ANK1: variants seen among roughly 807,000 people sequenced by gnomAD.
ANK1 encodes the protein ankyrin-1.
Under a neutral mutation model 210.4 loss-of-function variants are expected in ANK1, and 51 were observed. The observed-to-expected ratio is 0.24, with a 90% CI of 0.19 to 0.31. The LOEUF (loss-of-function observed/expected upper bound fraction) is 0.31, where lower values mean the gene tolerates loss of function less well. Among genes scored for constraint, ANK1 ranks in the 10% least tolerant of loss-of-function variants. The pLI is 1.00. For synonymous variants in ANK1, 967 were observed against 1,025.9 expected, an observed-to-expected ratio of 0.94 and a Z score of 1.10; for missense variants, 2,051 against 2,504.4, an observed-to-expected ratio of 0.82 and a Z score of 3.86.
intron 2 of ANK1, among the ~76,000 whole-genome samples, chr8:41,742,539 C>T (rs973831377): frequency 1.3e-5 from 2 of 152,220 alleles, no homozygotes; most frequent in African/African-American, 4.8e-5. Context: ...AAATTCACTG[C>T]TCAGTCCCCC....
chr8:41,892,644 T>C (rs1819678185), intron 1 of ANK1, among the ~76,000 whole-genome samples: 1 of 152,200 alleles, frequency 6.6e-6, no homozygotes. Context: ...CAAATCTCTA[T>C]TGCTTTGCAA....
intron 1 of ANK1, among the ~76,000 whole-genome samples, chr8:41,783,778 C>T (rs748848723): frequency 7.9e-5 from 12 of 152,168 alleles, no homozygotes; most frequent in Non-Finnish European, 1.2e-4. Flanking sequence ...CAGCCCTGAG[C>T]AGGGCCAGGT....
intron 3 of ANK1, among the ~76,000 whole-genome samples, chr8:41,732,884 C>G (rs1021195655): frequency 6.6e-6 from 1 of 151,426 alleles, no homozygotes; most frequent in African/African-American, 2.4e-5. Flanking sequence ...ATTACAGGCG[C>G]CCGCCACCAC....
intron 1 of ANK1, among the ~76,000 whole-genome samples, chr8:41,876,002 C>A (rs1260667842): frequency 6.6e-6 from 1 of 152,012 alleles, no homozygotes; most frequent in Non-Finnish European, 1.5e-5. Context: ...GCGCCTGGCC[C>A]CGCGCGCGCA....
chr8:41,739,965 G>C (rs1306975783), intron 2 of ANK1, among the ~76,000 whole-genome samples: 1 of 151,930 alleles, frequency 6.6e-6, no homozygotes, highest in Non-Finnish European at 1.5e-5. Flanking sequence ...GTTCTCTTTT[G>C]TCGTGCTCCA....
chr8:41,707,775 G>T (rs987449048), intron 17 of ANK1, among the ~76,000 whole-genome samples: 1 of 152,178 alleles, frequency 6.6e-6, no homozygotes, highest in Non-Finnish European at 1.5e-5. Context: ...GGGGTCAATT[G>T]TTCAAATTTG....
At chr8:41,691,358 TAA>T (rs747183888) in intron 31 of ANK1, among the ~76,000 whole-genome samples, 1 of 152,202 alleles carries the variant, frequency 6.6e-6, no homozygotes, top group Non-Finnish European at 1.5e-5. Flanking sequence ...AAGTTATCAC[TAA>T]CTCATTTGAC....
chr8:41,655,885 G>A, intron 42 of ANK1, 132 bp from the exon 43 acceptor site: 1 of 1,046,432 alleles, frequency 9.6e-7, no homozygotes, highest in Non-Finnish European at 1.5e-6. Context: ...TCCCCAGGCA[G>A]GGCGATGTGC....
chr8:41,844,228 C>T (rs1421402944), intron 1 of ANK1, among the ~76,000 whole-genome samples: 1 of 152,204 alleles, frequency 6.6e-6, no homozygotes, highest in African/African-American at 2.4e-5. Context: ...CAGCTCCTCA[C>T]CTTGGCAGAT....
At chr8:41,894,053 A>G (rs1819966281) in intron 1 of ANK1, among the ~76,000 whole-genome samples, 1 of 151,968 alleles carries the variant, frequency 6.6e-6, no homozygotes, top group Non-Finnish European at 1.5e-5. Flanking sequence ...ATAAATTTTA[A>G]CTCTATTCTC....
intron 2 of ANK1, among the ~76,000 whole-genome samples, chr8:41,735,200 G>A (rs1457699266): frequency 1.3e-5 from 2 of 152,190 alleles, no homozygotes; most frequent in Non-Finnish European, 2.9e-5. Flanking sequence ...GAAAGGTCTT[G>A]AAACTTTCCG....
chr8:41,736,954 A>G (rs568272850), intron 2 of ANK1, among the ~76,000 whole-genome samples: 2 of 152,266 alleles, frequency 1.3e-5, no homozygotes, highest in African/African-American at 2.4e-5. Flanking sequence ...ACACAGGACC[A>G]ACCTGGATTT....
intron 6 of ANK1, among the ~76,000 whole-genome samples, chr8:41,724,948 C>T (rs576650763): frequency 1.3e-5 from 2 of 152,312 alleles, no homozygotes; most frequent in Admixed American, 6.5e-5. Flanking sequence ...CAGCCTCGAC[C>T]TCCTGGGCTC....
At chr8:41,874,465 C>T (rs535627964) in intron 1 of ANK1, among the ~76,000 whole-genome samples, 2 of 152,320 alleles carry the variant, frequency 1.3e-5, no homozygotes, top group East Asian at 1.9e-4. Flanking sequence ...TTTCGGGTCG[C>T]CTGCCCGCAG....
intron 1 of ANK1, among the ~76,000 whole-genome samples, chr8:41,795,702 T>C (rs925006462): frequency 2.0e-5 from 3 of 151,900 alleles, no homozygotes; most frequent in African/African-American, 7.3e-5. Flanking sequence ...GCTAAAAAAG[T>C]TGATTTCTTG....
intron 2 of ANK1, 134 bp downstream of exon 2, chr8:41,757,902 C>T: frequency 4.6e-6 from 4 of 873,632 alleles, no homozygotes; most frequent in Non-Finnish European, 7.6e-6. Flanking sequence ...TAGGGCCTTC[C>T]ACAGGCAGGA....
At chr8:41,744,128 T>G (rs937588192) in intron 2 of ANK1, among the ~76,000 whole-genome samples, 1 of 152,190 alleles carries the variant, frequency 6.6e-6, no homozygotes, top group Non-Finnish European at 1.5e-5. Context: ...CAGCTTAGAC[T>G]TGACCATTAA....
chr8:41,851,717 A>G (rs1218631663), intron 1 of ANK1, among the ~76,000 whole-genome samples: 1 of 152,158 alleles, frequency 6.6e-6, no homozygotes, highest in Non-Finnish European at 1.5e-5. Context: ...CATTGGTCAG[A>G]GCAGTGGCAT....
Position 41,758,061 on chromosome 8 carries a change from C to T in ANK1, c.104G>A (p.Gly35Glu), listed in dbSNP as rs1326905954. ...CTGGTTACAGGTGTTAATATCTACC[C>T]CATTCCGCAGGTGATCCAAAGCTTT... ...LDKALDHLRNGVDINTCNQNG... is the reference protein window; with the variant it reads ...LDKALDHLRNEVDINTCNQNG... Residue 35 changes from glycine to glutamate, a missense_variant, in exon 2 of 43, where the codon GGG becomes GAG. Gly to Glu is a moderately conservative substitution (Grantham distance 98, BLOSUM62 -2). Transcript: ENST00000289734. 6.2e-7 allele frequency: 1 copy of T among 1,614,190 alleles called. No individual in the cohort carries two copies.
Sources: gnomAD v4.1 joint callset for allele counts (sites outside exome capture counted in the v4.1 genomes callset) on GRCh38, gnomAD v4.1.1 for gene constraint, MANE v1.5 for transcripts, NCBI Gene and HGNC (gene_info 2026-07-23, HGNC 2026-07-21) for gene names.